EIF4G3: variants seen among roughly 807,000 people sequenced by gnomAD.
EIF4G3 encodes the protein eukaryotic translation initiation factor 4 gamma 3, also known as eIF-4-gamma 3.
EIF4G3 carries 34 observed loss-of-function variants against 186.4 expected under a neutral mutation model. That is an observed-to-expected ratio of 0.18 (90% CI 0.14 to 0.24). The LOEUF (loss-of-function observed/expected upper bound fraction) is 0.24, where lower values mean the gene tolerates loss of function less well. Among genes scored for constraint, EIF4G3 ranks in the 10% least tolerant of loss-of-function variants. The pLI is 1.00. For missense variants in EIF4G3, 1,536 were observed against 1,948.5 expected, an observed-to-expected ratio of 0.79 and a Z score of 3.99; for synonymous variants, 673 against 679.5, an observed-to-expected ratio of 0.99 and a Z score of 0.15.
rs149746954 is a variant in EIF4G3 at position 20,856,610 on chromosome 1, GAC to G, written c.3339+791_3339+792del. Among the ~76,000 whole-genome samples the G allele has an allele frequency of 5.3e-3, 804 of 152,326 alleles. 8 individuals carry two copies. The highest frequency in any genetic ancestry group is 0.019 in the African/African-American group (777 of 41,564). ...AGACTCTCAAAAAGAGAGGAAAGCA[GAC>G]AGAGTCTCTTAAATCCTTATTACAG... On this transcript the variant is annotated intron_variant, in intron 25 of 36. Transcript: ENST00000602326.
intron 2 of EIF4G3, among the ~76,000 whole-genome samples, chr1:21,155,140 G>A (rs2097624526): frequency 6.6e-6 from 1 of 151,546 alleles, no homozygotes; most frequent in Non-Finnish European, 1.5e-5. Context: ...GCAGGTGCCT[G>A]TAATCTCAGC....
At chr1:21,050,795 T>C in intron 4 of EIF4G3, 71 bp downstream of exon 4, 1 of 670,752 alleles carries the variant, frequency 1.5e-6, no homozygotes, top group Non-Finnish European at 2.7e-6. Context: ...TGCTTAGGAG[T>C]CTCTTTAGAA....
chr1:21,052,257 T>C (rs932244175), intron 3 of EIF4G3, among the ~76,000 whole-genome samples: 1 of 152,192 alleles, frequency 6.6e-6, no homozygotes, highest in Non-Finnish European at 1.5e-5. Flanking sequence ...CAATCAATCC[T>C]AGCCAGCTCT....
chr1:20,862,282 T>C lies in EIF4G3; in HGVS notation c.3057A>G (p.Arg1019=). 6.2e-7 allele frequency: 1 copy of C among 1,613,314 alleles called. No individual in the cohort carries two copies. Among genetic ancestry groups the C allele is most frequent in the Non-Finnish European group, 8.5e-7 (1 of 1,179,582 alleles). ...TGAACCGAATCCTAGATGAGGTTTTTCTTTCTTTCACAATTTTCTCCATCT... is the reference window on the plus strand; with the variant it reads ...TGAACCGAATCCTAGATGAGGTTTTCCTTTCTTTCACAATTTTCTCCATCT... The part of the protein sequence containing the change: ...FNQMEKIVKE[R]KTSSRIRFML... The change falls in exon 23 of 37, where the codon AGA becomes AGG. Residue 1019 remains arginine, a synonymous_variant. Transcript: ENST00000602326.
chr1:20,963,610 G>A (rs1370301923), intron 12 of EIF4G3, among the ~76,000 whole-genome samples: 1 of 151,984 alleles, frequency 6.6e-6, no homozygotes, highest in African/African-American at 2.4e-5. Flanking sequence ...GAAGCAGGGG[G>A]GAAAAAGAGT....
At chr1:21,130,573 G>A (rs573631399) in intron 2 of EIF4G3, among the ~76,000 whole-genome samples, 3 of 152,154 alleles carry the variant, frequency 2.0e-5, no homozygotes, top group Admixed American at 6.6e-5. Flanking sequence ...AAGAAGTGGC[G>A]TGCCCATTTC....
chr1:21,044,104 T>C (rs1307188578), intron 4 of EIF4G3, among the ~76,000 whole-genome samples: 3 of 152,204 alleles, frequency 2.0e-5, no homozygotes, highest in Non-Finnish European at 4.4e-5. Context: ...TCATGGTACA[T>C]GGGGACTTGG....
At chr1:20,918,946 A>G (rs1454439508) in intron 14 of EIF4G3, among the ~76,000 whole-genome samples, 1 of 152,118 alleles carries the variant, frequency 6.6e-6, no homozygotes, top group East Asian at 1.9e-4. Flanking sequence ...GATTTTCTCC[A>G]TTCTCACAAG....
chr1:20,938,110 C>T (rs184575324), intron 14 of EIF4G3, among the ~76,000 whole-genome samples: 2 of 152,036 alleles, frequency 1.3e-5, no homozygotes, highest in Non-Finnish European at 2.9e-5. Flanking sequence ...AATTCTCCCA[C>T]CTCAGCCTCC....
intron 3 of EIF4G3, among the ~76,000 whole-genome samples, chr1:21,071,000 G>C (rs898593811): frequency 6.6e-6 from 1 of 152,158 alleles, no homozygotes; most frequent in African/African-American, 2.4e-5. Flanking sequence ...AGGTTCTTCA[G>C]TGCAAATGAC....
At chr1:21,160,258 G>C (rs112122660) in intron 2 of EIF4G3, among the ~76,000 whole-genome samples, 3 of 152,024 alleles carry the variant, frequency 2.0e-5, no homozygotes, top group Non-Finnish European at 4.4e-5. Context: ...ATATACCCAT[G>C]AGTCCATAGT....
intron 12 of EIF4G3, among the ~76,000 whole-genome samples, chr1:20,967,774 A>T (rs1304553995): frequency 6.6e-6 from 1 of 152,226 alleles, no homozygotes; most frequent in Non-Finnish European, 1.5e-5. Flanking sequence ...TTTTGTCTGT[A>T]CTACTAAAAT....
chr1:20,890,827 G>A (rs1353659786), intron 18 of EIF4G3, among the ~76,000 whole-genome samples: 2 of 152,172 alleles, frequency 1.3e-5, no homozygotes, highest in Non-Finnish European at 2.9e-5. Flanking sequence ...AATATACCAA[G>A]GTAAGCTGGG....
At chr1:20,992,192 T>C (rs926374872) in intron 7 of EIF4G3, among the ~76,000 whole-genome samples, 7 of 152,252 alleles carry the variant, frequency 4.6e-5, no homozygotes, top group Non-Finnish European at 2.9e-5. Flanking sequence ...AAACAAAAAG[T>C]TCATAAGATC....
chr1:20,933,193 TAGATCTGTATTTTTAAA>T (rs1008114365), intron 14 of EIF4G3, among the ~76,000 whole-genome samples: 12 of 152,132 alleles, frequency 7.9e-5, no homozygotes, highest in African/African-American at 2.9e-4. Flanking sequence ...GTGACAAAGC[TAGATCTGTATTTTTAAA>T]AGATGATTTC....
At chr1:21,072,831 T>C (rs939252675) in intron 3 of EIF4G3, among the ~76,000 whole-genome samples, 3 of 152,266 alleles carry the variant, frequency 2.0e-5, no homozygotes, top group African/African-American at 7.2e-5. Flanking sequence ...TTCATTGTAG[T>C]TGTAAGAATA....
At chr1:20,967,966 AT>A (rs1333070976) in intron 12 of EIF4G3, among the ~76,000 whole-genome samples, 1 of 151,804 alleles carries the variant, frequency 6.6e-6, no homozygotes, top group Non-Finnish European at 1.5e-5. Flanking sequence ...ACTTTAGACA[AT>A]TTTTTTTAAG....
In EIF4G3 at chr1:20,981,686, A is replaced by G. The variant is rs113815466; in HGVS notation, c.199-459T>C. Among the ~76,000 whole-genome samples, 21 of 127,686 alleles carry G rather than the reference A, an allele frequency of 1.6e-4. 1 individual carries two copies. Among genetic ancestry groups the G allele is most frequent in the African/African-American group, 7.1e-4 (21 of 29,540 alleles). The allele number at this position is 127,686 out of a possible 152,430, so 83.8% of individuals were successfully genotyped here. A position where few individuals can be genotyped will look rare whatever the true frequency, so the allele number is the denominator to read the frequency against. ...ATACGCACATACTGTATGTATACAT[A>G]CATGTATACGCACATACTGTATGTA... is the stretch of plus-strand genomic sequence containing the variant. On this transcript the variant is annotated intron_variant, in intron 8 of 36. Transcript: ENST00000602326.
At chr1:21,073,795 C>A (rs2095510019) in intron 3 of EIF4G3, 1 of 342,408 alleles carries the variant, frequency 2.9e-6, no homozygotes, top group Admixed American at 3.2e-5. Flanking sequence ...TAGACAACGT[C>A]CCTGGAAGAG....
Sources: gnomAD v4.1 joint callset for allele counts (sites outside exome capture counted in the v4.1 genomes callset) on GRCh38, gnomAD v4.1.1 for gene constraint, MANE v1.5 for transcripts, NCBI Gene and HGNC (gene_info 2026-07-23, HGNC 2026-07-21) for gene names.